The following TNRC6C variants were observed in gnomAD, a reference collection of about 807,000 sequenced individuals.
TNRC6C encodes trinucleotide repeat-containing gene 6C protein.
TNRC6C carries 20 observed loss-of-function variants against 153.7 expected under a neutral mutation model. The observed-to-expected ratio is 0.13, with a 90% CI of 0.09 to 0.19. The LOEUF is 0.19. TNRC6C is among the 10% of genes least tolerant of loss of function. The pLI, the probability that TNRC6C is intolerant of heterozygous loss-of-function variation, is 1.00. For synonymous variants in TNRC6C, 811 were observed against 841.4 expected, an observed-to-expected ratio of 0.96 and a Z score of 0.63; for missense variants, 1,987 against 2,172.0, an observed-to-expected ratio of 0.91 and a Z score of 1.69.
rs2073655122 is a variant in TNRC6C at position 78,104,544 on chromosome 17, GCTTCTT to G, written c.4773_4778del (p.Phe1592_Leu1593del). The G allele has an allele frequency of 1.3e-6, 2 of 1,542,312 alleles. No homozygotes were observed. The highest frequency in any genetic ancestry group is 1.7e-4 in the Middle Eastern group (1 of 5,904). On this transcript the variant is annotated inframe_deletion, in exon 20 of 20. Transcript: ENST00000301624. The surrounding 1 kb of genome is among the most constrained non-coding windows in gnomAD (Gnocchi z 6.2). The stretch of plus-strand genomic sequence containing the variant: ...TTCGCTGGTGAAGAAGAAGTGAATC[GCTTCTT>G]AGCCCAAGGCCAGGCGCTGCCACCC...
chr17:77,957,865 T>C (rs1008545542), upstream of TNRC6C, among the ~76,000 whole-genome samples: 1 of 152,120 alleles, frequency 6.6e-6, no homozygotes, highest in Non-Finnish European at 1.5e-5. Flanking sequence ...GGAGGAATCG[T>C]GGGGTGCGTA....
At chr17:77,972,648 C>T (rs1460463724) in intron 1 of TNRC6C, among the ~76,000 whole-genome samples, 1 of 151,686 alleles carries the variant, frequency 6.6e-6, no homozygotes, top group Non-Finnish European at 1.5e-5. Context: ...GACAAATTAA[C>T]AAAAATTGAT....
At chr17:77,962,076 C>G (rs1253639018) in intron 1 of TNRC6C, among the ~76,000 whole-genome samples, 1 of 152,122 alleles carries the variant, frequency 6.6e-6, no homozygotes, top group East Asian at 1.9e-4. Context: ...ACCTCTCCAA[C>G]CCCAATTGAA....
intron 1 of TNRC6C, among the ~76,000 whole-genome samples, chr17:77,971,569 C>G (rs1463182268): frequency 1.3e-5 from 2 of 152,012 alleles, no homozygotes; most frequent in Non-Finnish European, 2.9e-5. Context: ...GTTCTTGCCC[C>G]AAAATAACCT....
At chr17:77,958,445 A>T (rs764585072), upstream of TNRC6C, among the ~76,000 whole-genome samples, 1 of 151,728 alleles carries the variant, frequency 6.6e-6, no homozygotes, top group East Asian at 2.0e-4. Context: ...CGCGCGGTGC[A>T]GGGAACCACA....
intron 16 of TNRC6C, among the ~76,000 whole-genome samples, chr17:78,094,581 G>A (rs1195836908): frequency 6.6e-6 from 1 of 152,016 alleles, no homozygotes; most frequent in Non-Finnish European, 1.5e-5. Flanking sequence ...TGGGACTACA[G>A]GCGTGCACCA....
At position 78,070,100 on chromosome 17, in the gene TNRC6C, C is replaced by T. The variant is rs2072963062; in HGVS notation, c.2779-985C>T. On this transcript the variant is annotated intron_variant, in intron 5 of 19. Transcript: ENST00000301624. ...GTTAATAATCAGCAGAAACCAGAAA[C>T]TAAAATCAGAGCTCTCCGCTCATGA... Among the ~76,000 whole-genome samples the T allele has an allele frequency of 2.6e-5, 4 of 152,280 alleles. No individual in the cohort carries two copies. The South Asian group carries it at 8.3e-4, about 32-fold the overall frequency.
At chr17:77,993,215 G>T (rs928989202) in intron 1 of TNRC6C, among the ~76,000 whole-genome samples, 2 of 152,178 alleles carry the variant, frequency 1.3e-5, no homozygotes, top group African/African-American at 4.8e-5. Flanking sequence ...ACCCGCCTCT[G>T]CCTCCCAAAG....
chr17:78,069,852 G>T (rs1322840764), intron 5 of TNRC6C, among the ~76,000 whole-genome samples: 1 of 152,194 alleles, frequency 6.6e-6, no homozygotes, highest in East Asian at 1.9e-4. Context: ...GTATGTGAGT[G>T]TGTGTATGCA....
intron 2 of TNRC6C, among the ~76,000 whole-genome samples, chr17:78,038,676 G>A (rs2072230449): frequency 8.1e-6 from 1 of 123,566 alleles, no homozygotes; most frequent in African/African-American, 3.3e-5. Context: ...GAGACTCCGT[G>A]TCAAAAAAAA....
chr17:77,975,674 A>G (rs1368191346), intron 1 of TNRC6C, among the ~76,000 whole-genome samples: 1 of 152,238 alleles, frequency 6.6e-6, no homozygotes, highest in Non-Finnish European at 1.5e-5. Flanking sequence ...TTGGGACATC[A>G]TGTAAGAGTA....
chr17:78,042,819 T>A (rs1324010953), intron 2 of TNRC6C, among the ~76,000 whole-genome samples: 1 of 151,986 alleles, frequency 6.6e-6, no homozygotes, highest in Admixed American at 6.6e-5. Flanking sequence ...GTGTTGGTGA[T>A]GGTCGTAACA....
At chr17:78,078,138 C>T (rs778110124) in intron 9 of TNRC6C, among the ~76,000 whole-genome samples, 10 of 152,222 alleles carry the variant, frequency 6.6e-5, no homozygotes, top group Non-Finnish European at 1.0e-4. Flanking sequence ...CACTCACCAG[C>T]GCCCGACTGT....
upstream of TNRC6C, among the ~76,000 whole-genome samples, chr17:77,958,397 A>G (rs2070827251): frequency 6.6e-6 from 1 of 151,550 alleles, no homozygotes; most frequent in African/African-American, 2.4e-5. Context: ...CGTCCCGGCC[A>G]CTCGGAGCGC....
At position 78,049,128 on chromosome 17, in the gene TNRC6C, C is replaced by A; in HGVS notation, c.66C>A (p.Gly22=). The A allele has an allele frequency of 1.3e-6, 2 of 1,596,610 alleles. No individual in the cohort carries two copies. The highest frequency in any genetic ancestry group is 8.5e-7 in the Non-Finnish European group (1 of 1,171,058). ...CCAAGAAGACAAATGGCAATAATGG[C>A]ACCAATGGCGCACTCGTCCAAAGCC... The change falls in exon 3 of 20, where the codon GGC becomes GGA. Residue 22 remains glycine (G), a synonymous_variant. Coordinates refer to ENST00000301624, the Ensembl canonical transcript of TNRC6C. The surrounding 1 kb of genome is among the most constrained non-coding windows in gnomAD (Gnocchi z 4.1).
At chr17:77,962,608 G>A (rs1487215663) in intron 1 of TNRC6C, among the ~76,000 whole-genome samples, 1 of 152,210 alleles carries the variant, frequency 6.6e-6, no homozygotes, top group Non-Finnish European at 1.5e-5. Context: ...AGGAGGCGGA[G>A]TCCTGAACAG....
chr17:78,025,527 T>C (rs1369698158), intron 1 of TNRC6C, among the ~76,000 whole-genome samples: 2 of 152,332 alleles, frequency 1.3e-5, no homozygotes, highest in South Asian at 4.1e-4. Flanking sequence ...TTGACAATTA[T>C]GAATAAAGCT....
At chr17:78,002,015 C>T (rs1023841151), upstream of TNRC6C, among the ~76,000 whole-genome samples, 3 of 151,852 alleles carry the variant, frequency 2.0e-5, no homozygotes, top group African/African-American at 7.3e-5. Context: ...CTCCTTGCTT[C>T]TTGACTTATA....
chr17:78,044,347 G>A (rs897136803), intron 2 of TNRC6C, among the ~76,000 whole-genome samples: 1 of 152,158 alleles, frequency 6.6e-6, no homozygotes, highest in Admixed American at 6.5e-5. Context: ...TTCAAGTATT[G>A]ATAAGAATTA....
Sources: gnomAD v4.1 joint callset for allele counts (sites outside exome capture counted in the v4.1 genomes callset) on GRCh38, gnomAD v4.1.1 for gene constraint, Gnocchi (gnomAD v3.1) non-coding constraint, MANE v1.5 for transcripts, NCBI Gene and HGNC (gene_info 2026-07-23, HGNC 2026-07-21) for gene names.